Variants in RGS6 observed in about 807,000 individuals in gnomAD.
The protein encoded by RGS6 is regulator of G-protein signaling 6.
RGS6 carries 30 observed loss-of-function variants against 78.5 expected under a neutral mutation model. The observed-to-expected ratio is 0.38, with a 90% CI of 0.29 to 0.52. The LOEUF is 0.52. Ranked by LOEUF, RGS6 falls within the 20% of genes least tolerant of loss-of-function variation. The probability of loss-of-function intolerance (pLI) is 0.85; values close to 1 mark genes in which losing one functional copy is unlikely to be tolerated. For missense variants in RGS6, 495 were observed against 609.7 expected (o/e 0.81, Z 1.98); for synonymous variants, 206 against 206.0 (o/e 1.00, Z 0.00).
In RGS6 at chr14:72,491,884, A is replaced by C. The variant is rs981623511; in HGVS notation, c.855-3268A>C. 2.9e-4 allele frequency among the ~76,000 whole-genome samples: 44 copies of C among 152,338 alleles called. 1 individual carries two copies. The highest frequency in any genetic ancestry group is 8.3e-4 in the South Asian group (4 of 4,828). On this transcript the variant is annotated intron_variant, in intron 12 of 17. Transcript: ENST00000553525. ...GCAGAGGAATGGTCAAGTCTGTCAC[A>C]GGAGACTTTGCACCCCTAGATCTCC...
At chr14:72,512,570 G>A (rs1174935790) in intron 14 of RGS6, among the ~76,000 whole-genome samples, 3 of 152,202 alleles carry the variant, frequency 2.0e-5, no homozygotes, top group Non-Finnish European at 2.9e-5. Context: ...CACACCCCCA[G>A]AATGCAGAAA....
At chr14:72,586,616 G>A in the RGS6 span, among the ~76,000 whole-genome samples, 1 of 152,108 alleles carries the variant, frequency 6.6e-6, no homozygotes, top group African/African-American at 2.4e-5. Context: ...TGGTCAGAAA[G>A]GCCTCTTTAA....
At chr14:72,496,367 T>TAGC (rs2096645594) in intron 13 of RGS6, among the ~76,000 whole-genome samples, 1 of 152,210 alleles carries the variant, frequency 6.6e-6, no homozygotes, top group Non-Finnish European at 1.5e-5. Context: ...ATGGTTCAGT[T>TAGC]TCAACATTAG....
At chr14:72,568,100 G>A (rs1055836315), downstream of RGS6, among the ~76,000 whole-genome samples, 1 of 152,080 alleles carries the variant, frequency 6.6e-6, no homozygotes, top group Non-Finnish European at 1.5e-5. Flanking sequence ...CTTGAAGTGT[G>A]GGCTCGGTTC....
chr14:72,601,989 A>G, the RGS6 span, among the ~76,000 whole-genome samples: 3 of 152,208 alleles, frequency 2.0e-5, no homozygotes, highest in Non-Finnish European at 4.4e-5. Context: ...CAATTTCCAC[A>G]GGTAAACTTC....
At chr14:71,886,368 G>A in the RGS6 span, among the ~76,000 whole-genome samples, 42 of 152,264 alleles carry the variant, frequency 2.8e-4, no homozygotes, top group Admixed American at 3.3e-4. Flanking sequence ...TTCAATTAAC[G>A]TCACTGTGCA....
intron 2 of RGS6, among the ~76,000 whole-genome samples, chr14:72,124,645 C>A (rs1017248880): frequency 2.6e-5 from 4 of 152,140 alleles, no homozygotes; most frequent in Admixed American, 1.3e-4. Flanking sequence ...AATAGAAAAG[C>A]ATTTGCAGTA....
At chr14:71,981,469 C>T (rs1293494242) in intron 2 of RGS6, among the ~76,000 whole-genome samples, 1 of 151,984 alleles carries the variant, frequency 6.6e-6, no homozygotes, top group Admixed American at 6.6e-5. Context: ...TGTTAGTTTT[C>T]CTTCTAACAG....
chr14:71,901,892 C>G, the RGS6 span, among the ~76,000 whole-genome samples: 2 of 152,158 alleles, frequency 1.3e-5, no homozygotes, highest in African/African-American at 4.8e-5. Context: ...TGATAAAATT[C>G]TGGCCAATAA....
At chr14:72,290,103 G>C (rs2063318652) in intron 2 of RGS6, among the ~76,000 whole-genome samples, 1 of 152,156 alleles carries the variant, frequency 6.6e-6, no homozygotes, top group South Asian at 2.1e-4. Flanking sequence ...AAACAGAATA[G>C]AGAAATCCTA....
chr14:71,997,655 C>T (rs896323873), intron 2 of RGS6, among the ~76,000 whole-genome samples: 1 of 152,078 alleles, frequency 6.6e-6, no homozygotes, highest in Admixed American at 6.5e-5. Context: ...GTTTGTGCTG[C>T]AGAAAATATC....
At chr14:72,235,007 C>G (rs1239708823) in intron 2 of RGS6, among the ~76,000 whole-genome samples, 2 of 152,164 alleles carry the variant, frequency 1.3e-5, no homozygotes, top group Non-Finnish European at 2.9e-5. Context: ...ATTGAGTCAA[C>G]TAGATGGCAT....
At chr14:72,367,362 A>T (rs1310300544) in intron 3 of RGS6, among the ~76,000 whole-genome samples, 3 of 152,162 alleles carry the variant, frequency 2.0e-5, no homozygotes, top group Non-Finnish European at 4.4e-5. Context: ...ACCCCTACAG[A>T]GTGCTCTCTA....
intron 2 of RGS6, among the ~76,000 whole-genome samples, chr14:72,125,940 A>G (rs996231086): frequency 6.6e-6 from 1 of 152,216 alleles, no homozygotes; most frequent in African/African-American, 2.4e-5. Flanking sequence ...TGACCTATAC[A>G]TTAGAGATGT....
chr14:72,199,104 G>A (rs2040876418), intron 2 of RGS6, among the ~76,000 whole-genome samples: 1 of 152,184 alleles, frequency 6.6e-6, no homozygotes, highest in Non-Finnish European at 1.5e-5. Context: ...CACTTTCCTG[G>A]CCATTGAAGG....
chr14:72,134,384 A>G (rs904092524), intron 2 of RGS6, among the ~76,000 whole-genome samples: 4 of 152,226 alleles, frequency 2.6e-5, no homozygotes, highest in African/African-American at 4.8e-5. Context: ...AAGTCTGCAC[A>G]TATTCCTTCT....
intron 2 of RGS6, among the ~76,000 whole-genome samples, chr14:72,098,645 G>C (rs978267286): frequency 6.6e-6 from 1 of 152,180 alleles, no homozygotes; most frequent in Non-Finnish European, 1.5e-5. Flanking sequence ...AAAATACAGA[G>C]TTCCAGTTTC....
At chr14:71,952,490 G>A (rs930326518) in intron 1 of RGS6, among the ~76,000 whole-genome samples, 1 of 151,682 alleles carries the variant, frequency 6.6e-6, no homozygotes. Flanking sequence ...ATTTTCTTGA[G>A]GGTTGGACTG....
intron 17 of RGS6, among the ~76,000 whole-genome samples, chr14:72,548,342 T>TGTGTGTGTGTGTGTGTGTGCGC (rs796698263): frequency 7.4e-6 from 1 of 134,744 alleles, no homozygotes; most frequent in African/African-American, 3.2e-5. Context: ...TGTGTGTGTG[T>TGTGTGTGTGTGTGTGTGTGCGC]GCGCGCGTGT....
Sources: gnomAD v4.1 joint callset for allele counts (sites outside exome capture counted in the v4.1 genomes callset) on GRCh38, gnomAD v4.1.1 for gene constraint, MANE v1.5 for transcripts, NCBI Gene and HGNC (gene_info 2026-07-23, HGNC 2026-07-21) for gene names.